The following DPF3 variants were observed in gnomAD, a reference collection of about 807,000 sequenced individuals.
DPF3 encodes zinc finger protein DPF3.
DPF3 carries 18 observed loss-of-function variants against 56.8 expected under a neutral mutation model. That is an observed-to-expected ratio of 0.32 (90% CI 0.22 to 0.47). The LOEUF (loss-of-function observed/expected upper bound fraction) is 0.47, where lower values mean the gene tolerates loss of function less well. DPF3 is among the 20% of genes least tolerant of loss of function. The pLI, the probability that DPF3 is intolerant of heterozygous loss-of-function variation, is 1.00. For synonymous variants in DPF3, 188 were observed against 180.2 expected (o/e 1.04, Z -0.35); for missense variants, 403 against 488.8 (o/e 0.82, Z 1.65).
rs148956246 is a variant in DPF3 at position 72,790,986 on chromosome 14, C to T, written c.33-19093G>A. Among the ~76,000 whole-genome samples, 495 of 152,286 alleles carry T rather than the reference C, an allele frequency of 3.3e-3. 2 individuals are homozygous for T. Among genetic ancestry groups the T allele is most frequent in the Non-Finnish European group, 6.1e-3 (414 of 68,016 alleles). On this transcript the variant is annotated intron_variant, in intron 1 of 10. Coordinates refer to ENST00000556509, the MANE Select transcript of DPF3 (RefSeq NM_001280542.3). ...TGGTGGTCTGGGTCAATGGCAGGTG[C>T]CGAGAGAGGGAAGAGAGACAGGGGA...
At chr14:72,631,075 A>C (rs1885142690) in intron 8 of DPF3, among the ~76,000 whole-genome samples, 1 of 152,228 alleles carries the variant, frequency 6.6e-6, no homozygotes, top group Middle Eastern at 3.2e-3. Context: ...CAGCCAACAT[A>C]AGGATCCTTC....
intron 8 of DPF3, among the ~76,000 whole-genome samples, chr14:72,634,722 C>T (rs562187337): frequency 6.6e-6 from 1 of 151,504 alleles, no homozygotes; most frequent in Non-Finnish European, 1.5e-5. Context: ...TTTGCACCAA[C>T]CTAATACTTG....
chr14:72,716,231 G>A (rs1888923812), intron 5 of DPF3, among the ~76,000 whole-genome samples: 1 of 152,142 alleles, frequency 6.6e-6, no homozygotes, highest in Admixed American at 6.5e-5. Context: ...AGGAAAGGGA[G>A]GGTGCTGTGG....
At chr14:72,694,442 G>A (rs987960962) in intron 6 of DPF3, among the ~76,000 whole-genome samples, 2 of 152,184 alleles carry the variant, frequency 1.3e-5, no homozygotes, top group African/African-American at 2.4e-5. Flanking sequence ...TTTAGCATCA[G>A]GCCTGGGTTC....
intron 3 of DPF3, among the ~76,000 whole-genome samples, chr14:72,751,135 G>T (rs1890555488): frequency 6.6e-6 from 1 of 152,072 alleles, no homozygotes; most frequent in Non-Finnish European, 1.5e-5. Flanking sequence ...AGGCTATAGT[G>T]AGCTCATTGC....
intron 7 of DPF3, among the ~76,000 whole-genome samples, chr14:72,677,316 T>C (rs1407228591): frequency 2.0e-5 from 3 of 152,232 alleles, no homozygotes; most frequent in East Asian, 1.9e-4. Context: ...CATCCTTCCA[T>C]TGTGGTCAGA....
intron 6 of DPF3, among the ~76,000 whole-genome samples, chr14:72,705,515 T>A (rs541373547): frequency 6.6e-6 from 1 of 152,266 alleles, no homozygotes; most frequent in Non-Finnish European, 1.5e-5. Context: ...CCCTGGTCCG[T>A]GGAAAAATTT....
At chr14:72,847,802 G>A (rs946755996) in intron 1 of DPF3, among the ~76,000 whole-genome samples, 10 of 152,098 alleles carry the variant, frequency 6.6e-5, no homozygotes, top group African/African-American at 1.9e-4. Flanking sequence ...GTGAGCCACC[G>A]CCCAGCCTCA....
At chr14:72,712,093 G>A (rs1311400751) in intron 6 of DPF3, among the ~76,000 whole-genome samples, 1 of 152,078 alleles carries the variant, frequency 6.6e-6, no homozygotes, top group Non-Finnish European at 1.5e-5. Flanking sequence ...CTGCTCCACC[G>A]AGAGAGGGAG....
intron 9 of DPF3, among the ~76,000 whole-genome samples, chr14:72,622,119 T>G: frequency 6.6e-6 from 1 of 152,204 alleles, no homozygotes; most frequent in Non-Finnish European, 1.5e-5. Flanking sequence ...ATGAACCCCT[T>G]GAAATGATAC....
chr14:72,707,406 A>G (rs922170988), intron 6 of DPF3, among the ~76,000 whole-genome samples: 5 of 152,178 alleles, frequency 3.3e-5, no homozygotes, highest in Admixed American at 6.5e-5. Context: ...CACCACACTG[A>G]CTTCCACAGT....
intron 4 of DPF3, among the ~76,000 whole-genome samples, chr14:72,728,201 A>G (rs1239771919): frequency 6.6e-6 from 1 of 152,244 alleles, no homozygotes; most frequent in African/African-American, 2.4e-5. Flanking sequence ...CCTTGACTTC[A>G]AAATCTGAAA....
chr14:72,886,786 T>C (rs745727277), intron 1 of DPF3, among the ~76,000 whole-genome samples: 4 of 151,982 alleles, frequency 2.6e-5, no homozygotes, highest in Non-Finnish European at 4.4e-5. Flanking sequence ...GATAATAATG[T>C]CCCCACTGAA....
At chr14:72,845,486 G>A (rs1047382189) in intron 1 of DPF3, among the ~76,000 whole-genome samples, 1 of 152,128 alleles carries the variant, frequency 6.6e-6, no homozygotes, top group African/African-American at 2.4e-5. Context: ...GCCCACTCCT[G>A]CTGGCCTCTC....
chr14:72,849,855 T>C (rs4899446), intron 1 of DPF3, among the ~76,000 whole-genome samples: 74,409 of 152,138 alleles, frequency 0.49, 19,042 homozygotes, highest in East Asian at 0.87. Context: ...CAGTGGCTCA[T>C]GCCTGTAATC....
At chr14:72,824,147 C>G (rs905010260) in intron 1 of DPF3, among the ~76,000 whole-genome samples, 1 of 152,084 alleles carries the variant, frequency 6.6e-6, no homozygotes, top group Non-Finnish European at 1.5e-5. Context: ...AGAGCAAAAT[C>G]CAGAAACAAG....
At chr14:72,842,242 G>A (rs1037154110) in intron 1 of DPF3, among the ~76,000 whole-genome samples, 1 of 152,050 alleles carries the variant, frequency 6.6e-6, no homozygotes, top group Non-Finnish European at 1.5e-5. Context: ...CCCCTGCAAG[G>A]TGTATATACT....
intron 4 of DPF3, among the ~76,000 whole-genome samples, chr14:72,726,566 G>A (rs1162714576): frequency 2.6e-5 from 4 of 152,142 alleles, no homozygotes; most frequent in Non-Finnish European, 4.4e-5. Flanking sequence ...CCTGCGATGC[G>A]GCCCTGACAC....
chr14:72,871,701 A>G (rs1885907940), intron 1 of DPF3, among the ~76,000 whole-genome samples: 2 of 152,152 alleles, frequency 1.3e-5, no homozygotes. Flanking sequence ...TGGGAGGGTG[A>G]GGCAGGCCCT....
Sources: allele counts gnomAD v4.1 joint callset (sites outside exome capture counted in the v4.1 genomes callset), GRCh38; gene constraint gnomAD v4.1.1; transcripts MANE v1.5; gene names NCBI Gene and HGNC (gene_info 2026-07-23, HGNC 2026-07-21).